WDR3: variants seen among roughly 807,000 people sequenced by gnomAD.
The protein encoded by WDR3 is WD repeat-containing protein 3.
In WDR3, 81 loss-of-function variants were observed where a neutral mutation model predicts 123.7. The ratio of observed to expected loss-of-function variants is 0.65; its 90% CI spans 0.55 to 0.79. The LOEUF (loss-of-function observed/expected upper bound fraction) is 0.79, where lower values mean the gene tolerates loss of function less well. Ranked by LOEUF, WDR3 falls within the 30% of genes least tolerant of loss-of-function variation. WDR3 has a pLI of 0.00. For missense variants in WDR3, 1,027 were observed against 1,123.2 expected (o/e 0.91, Z 1.22); for synonymous variants, 390 against 388.8 (o/e 1.00, Z -0.04).
chr1:117,944,332 C>T (rs1019858592), intron 11 of WDR3, among the ~76,000 whole-genome samples: 1 of 152,202 alleles, frequency 6.6e-6, no homozygotes, highest in Non-Finnish European at 1.5e-5. Flanking sequence ...TCTCAGTCCT[C>T]GCTCCATCTT....
Position 117,943,419 on chromosome 1 carries a change from C to G in WDR3, c.1121C>G (p.Pro374Arg), listed in dbSNP as rs1651250581. The G allele has an allele frequency of 6.2e-7, 1 of 1,613,992 alleles. No homozygotes were observed. Among genetic ancestry groups the G allele is most frequent in the African/African-American group, 1.3e-5 (1 of 75,032 alleles). ...KIKSFDLIHS[P>R]HGELKAVFLL... is the part of the protein sequence containing the mutation. Reference sequence around the variant, plus strand: ...AGGTCCTTTGACTTGATTCATTCACCTCACGGAGAGTTAAAGGCTGTCTTC... The same window carrying G: ...AGGTCCTTTGACTTGATTCATTCACGTCACGGAGAGTTAAAGGCTGTCTTC... Residue 374 changes from proline (P) to arginine (R), a missense_variant, in exon 11 of 27, where the codon CCT becomes CGT. By Grantham distance (103) the Pro-to-Arg change is moderately radical. Coordinates refer to ENST00000349139, the MANE Select transcript of WDR3 (RefSeq NM_006784.3).
chr1:117,940,716 A>G, intron 6 of WDR3, 111 bp from the exon 7 acceptor site: 1 of 964,522 alleles, frequency 1.0e-6, no homozygotes, highest in Non-Finnish European at 1.6e-6. Flanking sequence ...CGACAGAGTA[A>G]GACTCTGTCT....
chr1:117,933,170 C>T, intron 1 of WDR3, 118 bp from the exon 2 acceptor site: 1 of 832,262 alleles, frequency 1.2e-6, no homozygotes, highest in Admixed American at 2.9e-5. Flanking sequence ...CACCACTGCA[C>T]TCCAGCCTGG....
rs1188640158 is a variant in WDR3 at position 117,934,591 on chromosome 1, G to A, written c.290G>A (p.Gly97Glu). 6.2e-7 allele frequency: 1 copy of A among 1,614,158 alleles called. No individual in the cohort carries two copies. The highest frequency in any genetic ancestry group is 8.5e-7 in the Non-Finnish European group (1 of 1,180,014). The change falls in exon 3 of 27, where the codon GGG (glycine) becomes GAG (glutamate). Residue 97 changes from glycine to glutamate, a missense_variant. Coordinates refer to ENST00000349139, the MANE Select transcript of WDR3 (RefSeq NM_006784.3). ...GSIRIFSLLSGEGNVTFNGHK... is the reference protein window; with the variant it reads ...GSIRIFSLLSEEGNVTFNGHK... ...ATCCGAATCTTCAGTCTCCTGAGTG[G>A]GGAAGGAAATGTGACCTTCAATGGT...
At chr1:117,957,014 A>G (rs1652295435) in intron 24 of WDR3, 54 bp from the exon 25 acceptor site, 1 of 1,436,320 alleles carries the variant, frequency 7.0e-7, no homozygotes, top group African/African-American at 1.4e-5. Context: ...AAAATTGACC[A>G]TGTTAACAAC....
At chr1:117,936,163 C>T (rs888293151) in intron 3 of WDR3, among the ~76,000 whole-genome samples, 1 of 152,068 alleles carries the variant, frequency 6.6e-6, no homozygotes, top group Non-Finnish European at 1.5e-5. Flanking sequence ...CCTTGTCATA[C>T]ATATCCCTGC....
At chr1:117,930,540 C>T (rs3754129) in intron 1 of WDR3, among the ~76,000 whole-genome samples, 1,642 of 152,232 alleles carry the variant, frequency 0.011, 33 homozygotes, top group South Asian at 0.092. Flanking sequence ...AACGATTTAG[C>T]CTTTTCAAGG....
chr1:117,947,098 C>T (rs1651436933), intron 12 of WDR3, among the ~76,000 whole-genome samples: 1 of 152,092 alleles, frequency 6.6e-6, no homozygotes, highest in Admixed American at 6.6e-5. Context: ...AGCTATGTGA[C>T]CTTAACCCTG....
chr1:117,944,913 A>G (rs1414295593), intron 11 of WDR3, among the ~76,000 whole-genome samples: 1 of 151,888 alleles, frequency 6.6e-6, no homozygotes, highest in Non-Finnish European at 1.5e-5. Flanking sequence ...TGTTGGCCTC[A>G]AACTCCTGAC....
intron 3 of WDR3, 42 bp downstream of exon 3, chr1:117,934,724 A>G (rs769172684): frequency 1.2e-6 from 2 of 1,604,358 alleles, no homozygotes; most frequent in Non-Finnish European, 1.7e-6. Flanking sequence ...TATTAAAGGA[A>G]TGTAAGGCTT....
rs1223458395 is a variant in WDR3, at chr1:117,941,842, A to G, written c.984A>G (p.Lys328=). ...MDKKMKKARK[K]AKLHSSKGEE... is the part of the protein sequence containing the mutation. ...AGAAGATGAAGAAAGCTAGAAAGAA[A>G]GCAAAGTATGTTTTCTTAATACTTA... is the stretch of plus-strand genomic sequence containing the variant. Residue 328 remains lysine, a synonymous_variant, in exon 9 of 27, where the codon AAA becomes AAG. Coordinates refer to ENST00000349139, the MANE Select transcript of WDR3 (RefSeq NM_006784.3). 1 of 1,607,842 alleles carries G rather than the reference A, an allele frequency of 6.2e-7. No individual in the cohort carries two copies. Among genetic ancestry groups the G allele is most frequent in the Non-Finnish European group, 8.5e-7 (1 of 1,178,440 alleles).
rs1168728470 is a variant in WDR3, at chr1:117,958,949, G to A, written c.2622G>A (p.Val874=). The change falls in exon 26 of 27, where the codon GTG becomes GTA. Residue 874 remains valine, a synonymous_variant. Transcript: ENST00000349139. ...AGATCACTAGCAATCAAATGCTTGT[G>A]CCAGTGATAGAAAAATTAAGGGAAA... ...FGQITSNQML[V]PVIEKLRETT... 1.2e-6 allele frequency: 2 copies of A among 1,613,972 alleles called. No individual in the cohort carries two copies. The highest frequency in any genetic ancestry group is 3.3e-5 in the Admixed American group (2 of 60,020).
rs1651143686 is a variant in WDR3, at chr1:117,940,918, A to G, written c.767A>G (p.Glu256Gly). The change falls in exon 7 of 27, where the codon GAG (glutamate) becomes GGG (glycine). Residue 256 changes from glutamate to glycine, a missense_variant. Glu to Gly is a moderately conservative substitution (Grantham distance 98, BLOSUM62 -2). Transcript: ENST00000349139. ...CTTGAGGCAGAGGATGGTGCCTTTG[A>G]GACGGATGAAGCCCCTGAGGATGTA... Reference protein sequence around the residue: ...DTLEAEDGAFETDEAPEDRIL... With the variant: ...DTLEAEDGAFGTDEAPEDRIL... 6.2e-7 allele frequency: 1 copy of G among 1,613,136 alleles called. No individual in the cohort carries two copies. The highest frequency in any genetic ancestry group is 8.5e-7 in the Non-Finnish European group (1 of 1,179,778).
At chr1:117,939,624 C>A (rs747039164) in intron 6 of WDR3, 52 bp downstream of exon 6, 2 of 1,556,630 alleles carry the variant, frequency 1.3e-6, no homozygotes, top group Non-Finnish European at 1.8e-6. Flanking sequence ...TCATAAGCAC[C>A]TTGGATTTAG....
Position 117,936,863 on chromosome 1 carries a change from G to T in WDR3, c.476G>T (p.Arg159Leu). Residue 159 changes from arginine to leucine, a missense_variant, in exon 4 of 27, where the codon CGA becomes CTA. Transcript: ENST00000349139. The stretch of plus-strand genomic sequence containing the variant: ...GCCATCACACAAGCATTGTTTCTAC[G>T]AGAAAAGAACCTGCTAGTTACTAGG... ...KDAITQALFL[R>L]EKNLLVTSGK... 6.2e-7 allele frequency: 1 copy of T among 1,613,018 alleles called. No individual in the cohort carries two copies. The highest frequency in any genetic ancestry group is 8.5e-7 in the Non-Finnish European group (1 of 1,179,296).
At chr1:117,935,062 G>A (rs968060601) in intron 3 of WDR3, among the ~76,000 whole-genome samples, 2 of 152,286 alleles carry the variant, frequency 1.3e-5, no homozygotes, top group South Asian at 2.1e-4. Context: ...CAAGTCATGA[G>A]TTAGAAAATA....
At chr1:117,959,232 G>A (rs564748947) in intron 26 of WDR3, 60 bp from the exon 27 acceptor site, 10 of 1,559,266 alleles carry the variant, frequency 6.4e-6, no homozygotes, top group African/African-American at 2.7e-5. Flanking sequence ...ACTCTCATAC[G>A]CTGCTATAAT....
chr1:117,935,649 TAC>T (rs1650918370), intron 3 of WDR3, among the ~76,000 whole-genome samples: 2 of 151,918 alleles, frequency 1.3e-5, no homozygotes, highest in Non-Finnish European at 2.9e-5. Flanking sequence ...TCATGCTATA[TAC>T]CAAAATGAAA....
At chr1:117,952,248 T>G in intron 17 of WDR3, 49 bp from the exon 18 acceptor site, 1 of 1,557,076 alleles carries the variant, frequency 6.4e-7, no homozygotes, top group Non-Finnish European at 8.8e-7. Flanking sequence ...AAAACTCTTT[T>G]TACTAACCTG....
Sources: allele counts gnomAD v4.1 joint callset (sites outside exome capture counted in the v4.1 genomes callset), GRCh38; gene constraint gnomAD v4.1.1; transcripts MANE v1.5; gene names NCBI Gene and HGNC (gene_info 2026-07-23, HGNC 2026-07-21).